Variants in SYNPO2 observed in about 807,000 individuals in gnomAD.
SYNPO2 encodes synaptopodin-2.
In SYNPO2, 56 loss-of-function variants were observed where a neutral mutation model predicts 85.0. The ratio of observed to expected loss-of-function variants is 0.66; its 90% confidence interval spans 0.53 to 0.82. The LOEUF is 0.82. Among genes scored for constraint, SYNPO2 ranks in the 40% least tolerant of loss-of-function variants. The pLI, the probability that SYNPO2 is intolerant of heterozygous loss-of-function variation, is 0.00. For missense variants in SYNPO2, 1,575 were observed against 1,534.2 expected, an observed-to-expected ratio of 1.03 and a Z score of -0.44; for synonymous variants, 602 against 591.1, an observed-to-expected ratio of 1.02 and a Z score of -0.27.
At chr4:118,996,596 G>A (rs907658775) in intron 1 of SYNPO2, among the ~76,000 whole-genome samples, 3 of 152,098 alleles carry the variant, frequency 2.0e-5, no homozygotes, top group Admixed American at 6.5e-5. Context: ...AGGTGCTCAC[G>A]CCCGTAATCC....
chr4:118,972,844 T>A (rs542736034), intron 1 of SYNPO2, among the ~76,000 whole-genome samples: 1 of 152,360 alleles, frequency 6.6e-6, no homozygotes, highest in South Asian at 2.1e-4. Context: ...ATAATTTCAG[T>A]GTCTTTCATT....
chr4:118,868,615 T>C (rs1221563615), intron 1 of SYNPO2, among the ~76,000 whole-genome samples: 3 of 152,154 alleles, frequency 2.0e-5, no homozygotes, highest in Non-Finnish European at 4.4e-5. Context: ...TTATTACTAG[T>C]ATCAACATGA....
At chr4:118,938,972 G>A (rs1467510931) in intron 1 of SYNPO2, among the ~76,000 whole-genome samples, 1 of 152,134 alleles carries the variant, frequency 6.6e-6, no homozygotes, top group Non-Finnish European at 1.5e-5. Flanking sequence ...TTTCCATGGA[G>A]GAGCTTTTTA....
At chr4:118,967,649 A>C (rs558585919) in intron 1 of SYNPO2, among the ~76,000 whole-genome samples, 98 of 152,352 alleles carry the variant, frequency 6.4e-4, no homozygotes, top group African/African-American at 2.3e-3. Flanking sequence ...CGGGTATAGC[A>C]CAATCCCTGA....
intron 1 of SYNPO2, among the ~76,000 whole-genome samples, chr4:118,988,437 C>T (rs1736295886): frequency 6.6e-6 from 1 of 152,062 alleles, no homozygotes; most frequent in Non-Finnish European, 1.5e-5. Flanking sequence ...CTAACACAAC[C>T]TTATACAGCA....
intron 1 of SYNPO2, among the ~76,000 whole-genome samples, chr4:119,000,013 G>A (rs918665529): frequency 1.3e-5 from 2 of 152,106 alleles, no homozygotes; most frequent in Admixed American, 1.3e-4. Context: ...CTGACCATGG[G>A]TTTATCTGGG....
In SYNPO2 at chr4:119,057,978, A is replaced by T; in HGVS notation, c.*44A>T. The T allele has an allele frequency of 6.4e-7, 1 of 1,557,564 alleles. No individual in the cohort carries two copies. The highest frequency in any genetic ancestry group is 2.0e-5 in the Admixed American group (1 of 48,788). On this transcript the variant is annotated 3_prime_UTR_variant, in exon 5 of 5. Coordinates refer to ENST00000307142, the MANE Select transcript of SYNPO2 (RefSeq NM_133477.3). ...ATGTGCCAACTGTAGTTTTTTAAAA[A>T]AAACGCTCCTTTGTAGGGTTTTAAA...
chr4:118,950,927 G>C (rs1734672313), intron 1 of SYNPO2, among the ~76,000 whole-genome samples: 1 of 152,134 alleles, frequency 6.6e-6, no homozygotes, highest in African/African-American at 2.4e-5. Flanking sequence ...AATGAAATCT[G>C]GTCCATTTCT....
At chr4:118,975,855 C>T (rs1041469461) in intron 1 of SYNPO2, among the ~76,000 whole-genome samples, 3 of 152,224 alleles carry the variant, frequency 2.0e-5, no homozygotes, top group Non-Finnish European at 4.4e-5. Flanking sequence ...ACTTGAATTT[C>T]ATTCTCCTGC....
chr4:119,053,057 C>T (rs888262446), intron 4 of SYNPO2, among the ~76,000 whole-genome samples: 2 of 152,160 alleles, frequency 1.3e-5, no homozygotes, highest in African/African-American at 4.8e-5. Flanking sequence ...AGGATTCCAG[C>T]GTCAGACATT....
Position 119,030,947 on chromosome 4 carries a change from A to T in SYNPO2, c.2172A>T (p.Gly724=). 1 of 1,614,174 alleles carries T rather than the reference A, an allele frequency of 6.2e-7. No homozygotes were observed. Among genetic ancestry groups the T allele is most frequent in the South Asian group, 1.1e-5 (1 of 91,080 alleles). Reference sequence around the variant, plus strand: ...ATTCAGAAGGCAAACGGGGCACTGGAGCTGGAGGTGATTCCGGACCGGAAG... The same window carrying T: ...ATTCAGAAGGCAAACGGGGCACTGGTGCTGGAGGTGATTCCGGACCGGAAG... ...LQNSEGKRGT[G]AGGDSGPEED... is the part of the protein sequence containing the mutation. Residue 724 remains glycine, a synonymous_variant, in exon 4 of 5, where the codon GGA becomes GGT. Transcript: ENST00000307142.
At chr4:119,016,545 TAGG>T (rs1198627819) in intron 1 of SYNPO2, among the ~76,000 whole-genome samples, 1 of 152,216 alleles carries the variant, frequency 6.6e-6, no homozygotes, top group Admixed American at 6.5e-5. Context: ...GTGCTTTTAT[TAGG>T]AGTTTTTTAA....
At chr4:118,919,363 C>T (rs932634413) in intron 1 of SYNPO2, among the ~76,000 whole-genome samples, 1 of 151,940 alleles carries the variant, frequency 6.6e-6, no homozygotes, top group Non-Finnish European at 1.5e-5. Flanking sequence ...AGCCATACTC[C>T]CCTCTCATAA....
At chr4:118,860,087 C>T (rs1265008230) in intron 1 of SYNPO2, among the ~76,000 whole-genome samples, 4 of 151,966 alleles carry the variant, frequency 2.6e-5, no homozygotes, top group Admixed American at 6.6e-5. Flanking sequence ...TGTGACTGCC[C>T]GTCTTTTGGA....
intron 1 of SYNPO2, among the ~76,000 whole-genome samples, chr4:118,877,308 T>G (rs1485258872): frequency 3.9e-5 from 6 of 152,048 alleles, no homozygotes; most frequent in African/African-American, 7.2e-5. Context: ...CCAGGCAAAT[T>G]TCATGAGGAA....
intron 1 of SYNPO2, among the ~76,000 whole-genome samples, chr4:118,856,434 C>G (rs1167672491): frequency 1.3e-5 from 2 of 152,200 alleles, no homozygotes; most frequent in Admixed American, 6.5e-5. Flanking sequence ...ACCAGCAAAA[C>G]TTCGCACTAA....
intron 1 of SYNPO2, among the ~76,000 whole-genome samples, chr4:118,936,910 C>T (rs1734127425): frequency 6.6e-6 from 1 of 152,122 alleles, no homozygotes; most frequent in African/African-American, 2.4e-5. Flanking sequence ...CTCTCTTCAT[C>T]CAGTCCACCA....
At position 119,031,482 on chromosome 4, in the gene SYNPO2, C is replaced by G. The variant is rs757514697; in HGVS notation, c.2707C>G (p.Pro903Ala). Reference sequence around the variant, plus strand: ...GGCCCACGCTGCTCGAGCTCAGTCTCCCACTCCATCTCTCCCGGCCAGTTG... The same window carrying G: ...GGCCCACGCTGCTCGAGCTCAGTCTGCCACTCCATCTCTCCCGGCCAGTTG... The part of the protein sequence containing the change: ...VQAHAARAQS[P>A]TPSLPASWKY... Residue 903 changes from proline (P) to alanine (A), a missense_variant, in exon 4 of 5, where the codon CCC becomes GCC. Pro to Ala is a conservative substitution (Grantham distance 27). This residue lies in a region of SYNPO2 where 1,508 missense variants were observed against 1,446.8 expected (regional missense o/e 1.04). Coordinates refer to ENST00000307142, the MANE Select transcript of SYNPO2 (RefSeq NM_133477.3). 1.9e-6 allele frequency: 3 copies of G among 1,614,040 alleles called. No homozygotes were observed. The highest frequency in any genetic ancestry group is 2.7e-5 in the African/African-American group (2 of 74,904).
chr4:119,030,588 C>T lies in SYNPO2; in HGVS notation c.1813C>T (p.Pro605Ser), dbSNP rs748577784. 3.1e-6 allele frequency: 5 copies of T among 1,614,032 alleles called. No homozygotes were observed. The highest frequency in any genetic ancestry group is 3.4e-6 in the Non-Finnish European group (4 of 1,180,040). Residue 605 changes from proline (P) to serine (S), a missense_variant, in exon 4 of 5, where the codon CCA becomes TCA. Transcript: ENST00000307142. Reference protein sequence around the residue: ...SVNQPATPFSPTRNMTSPIAD... With the variant: ...SVNQPATPFSSTRNMTSPIAD... ...GAATCAGCCAGCTACCCCCTTCTCG[C>T]CAACCCGAAACATGACGAGTCCCAT...
Sources: allele counts gnomAD v4.1 joint callset (sites outside exome capture counted in the v4.1 genomes callset), GRCh38; gene constraint gnomAD v4.1.1; regional missense constraint gnomAD v4.1.1; transcripts MANE v1.5; gene names NCBI Gene and HGNC (gene_info 2026-07-23, HGNC 2026-07-21).